The following OR4K5 variants were observed in gnomAD, a reference collection of about 807,000 sequenced individuals.
The protein encoded by OR4K5 is olfactory receptor 4K5.
For synonymous variants in OR4K5, 187 were observed against 142.2 expected, an observed-to-expected ratio of 1.31 and a Z score of -2.24; for missense variants, 520 against 377.1, an observed-to-expected ratio of 1.38 and a Z score of -3.14.
rs761466496 is a variant in OR4K5 at position 19,920,821 on chromosome 14, G to T, written c.215G>T (p.Cys72Phe). Residue 72 changes from cysteine to phenylalanine, a missense_variant, in exon 1 of 1, where the codon TGT becomes TTT. Coordinates refer to ENST00000315915, the MANE Select transcript of OR4K5 (RefSeq NM_001005483.1). ...LLGNLSFVDI[C>F]QASFATPKMI... The stretch of plus-strand genomic sequence containing the variant: ...GGAAACCTTTCCTTTGTTGACATTT[G>T]TCAGGCTTCTTTTGCTACCCCTAAA... 5 of 1,614,172 alleles carry T rather than the reference G, an allele frequency of 3.1e-6. No homozygotes were observed. Among genetic ancestry groups the T allele is most frequent in the Non-Finnish European group, 4.2e-6 (5 of 1,180,006 alleles).
rs1019475581 is a variant in OR4K5, at chr14:19,920,891, T to G, written c.285T>G (p.Ser95Arg). The change falls in exon 1 of 1, where the codon AGT (serine) becomes AGG (arginine). Residue 95 changes from serine (S) to arginine (R), a missense_variant. Transcript: ENST00000315915. ...GTGCACACGAGACCATATCTTTCAG[T>G]GGCTGCATAGCCCAAATTTTCTTTA... ...FLSAHETISFSGCIAQIFFIH... is the reference protein window; with the variant it reads ...FLSAHETISFRGCIAQIFFIH... The G allele has an allele frequency of 1.9e-6, 3 of 1,614,206 alleles. No individual in the cohort carries two copies. Among genetic ancestry groups the G allele is most frequent in the Non-Finnish European group, 2.5e-6 (3 of 1,180,002 alleles).
In OR4K5 at chr14:19,920,963, C is replaced by G; in HGVS notation, c.357C>G (p.Ala119=). 6.2e-7 allele frequency: 1 copy of G among 1,614,146 alleles called. No individual in the cohort carries two copies. The highest frequency in any genetic ancestry group is 8.5e-7 in the Non-Finnish European group (1 of 1,179,998). The part of the protein sequence containing the change: ...GGEMVLLVSM[A]YDRYVAICKP... ...AGATGGTGCTACTTGTTTCGATGGC[C>G]TATGACAGGTATGTAGCCATATGCA... The change falls in exon 1 of 1, where the codon GCC becomes GCG. Residue 119 remains alanine, a synonymous_variant. Transcript: ENST00000315915.
In OR4K5 at chr14:19,920,881, T is replaced by C. The variant is rs775888619; in HGVS notation, c.275T>C (p.Ile92Thr). 3 of 1,614,218 alleles carry C rather than the reference T, an allele frequency of 1.9e-6. No individual in the cohort carries two copies. The South Asian group carries it at 3.3e-5, about 18-fold the overall frequency. Residue 92 changes from isoleucine to threonine, a missense_variant, in exon 1 of 1, where the codon ATA becomes ACA. Physicochemically the swap from Ile to Thr is moderately conservative, Grantham distance 89 (BLOSUM62 -1). Coordinates refer to ENST00000315915, the MANE Select transcript of OR4K5 (RefSeq NM_001005483.1). ...IADFLSAHET[I>T]SFSGCIAQIF... Reference sequence around the variant, plus strand: ...GATTTTCTGAGTGCACACGAGACCATATCTTTCAGTGGCTGCATAGCCCAA... The same window carrying C: ...GATTTTCTGAGTGCACACGAGACCACATCTTTCAGTGGCTGCATAGCCCAA...
chr14:19,921,257 C>T lies in OR4K5; in HGVS notation c.651C>T (p.Ser217=), dbSNP rs754456244. 1 of 1,614,138 alleles carries T rather than the reference C, an allele frequency of 6.2e-7. No individual in the cohort carries two copies. The highest frequency in any genetic ancestry group is 1.3e-5 in the African/African-American group (1 of 75,044). Residue 217 remains serine, a synonymous_variant, in exon 1 of 1, where the codon TCC becomes TCT. Coordinates refer to ENST00000315915, the MANE Select transcript of OR4K5 (RefSeq NM_001005483.1). ...SLSTFSLLVS[S]YIIILVTVWL... The stretch of plus-strand genomic sequence containing the variant: ...GCACTTTCTCTCTCTTGGTCAGCTC[C>T]TACATCATTATTCTTGTTACAGTTT...
Position 19,921,215 on chromosome 14 carries a change from T to C in OR4K5, c.609T>C (p.Ser203=). 1 of 1,614,210 alleles carries C rather than the reference T, an allele frequency of 6.2e-7. No homozygotes were observed. Among genetic ancestry groups the C allele is most frequent in the Non-Finnish European group, 8.5e-7 (1 of 1,179,988 alleles). Residue 203 remains serine, a synonymous_variant, in exon 1 of 1, where the codon AGT becomes AGC. Transcript: ENST00000315915. ...TTGAAATACTAATTGTGGTCAATAG[T>C]GGAATTCTTTCCCTAAGCACTTTCT... ...YIIEILIVVN[S]GILSLSTFSL... is the part of the protein sequence containing the mutation.
rs574403714 is a variant in OR4K5 at position 19,920,938 on chromosome 14, A to C, written c.332A>C (p.Glu111Ala). Residue 111 changes from glutamate to alanine, a missense_variant, in exon 1 of 1, where the codon GAG becomes GCG. Physicochemically the swap from Glu to Ala is moderately radical, Grantham distance 107. Transcript: ENST00000315915. ...TTTATTCACCTTTTTACTGGAGGGGAGATGGTGCTACTTGTTTCGATGGCC... is the reference window on the plus strand; with the variant it reads ...TTTATTCACCTTTTTACTGGAGGGGCGATGGTGCTACTTGTTTCGATGGCC... The part of the protein sequence containing the change: ...IFFIHLFTGG[E>A]MVLLVSMAYD... The C allele has an allele frequency of 1.2e-6, 2 of 1,614,036 alleles. No homozygotes were observed. The highest frequency in any genetic ancestry group is 2.2e-5 in the South Asian group (2 of 91,078).
chr14:19,921,310 A>C lies in OR4K5; in HGVS notation c.704A>C (p.Lys235Thr). The change falls in exon 1 of 1, where the codon AAG becomes ACG. Residue 235 changes from lysine to threonine, a missense_variant. Transcript: ENST00000315915. ...VWLKSSAAMA[K>T]AFSTLASHIA... is the part of the protein sequence containing the mutation. ...CTCAAGTCTTCAGCTGCAATGGCAA[A>C]GGCATTTTCTACGCTGGCTTCCCAT... 1 of 1,614,184 alleles carries C rather than the reference A, an allele frequency of 6.2e-7. No individual in the cohort carries two copies. Among genetic ancestry groups the C allele is most frequent in the Non-Finnish European group, 8.5e-7 (1 of 1,180,012 alleles).
chr14:19,921,476 G>A lies in OR4K5; in HGVS notation c.870G>A (p.Arg290=), dbSNP rs1881942529. The change falls in exon 1 of 1, where the codon AGG becomes AGA. Residue 290 remains arginine, a synonymous_variant. Coordinates refer to ENST00000315915, the MANE Select transcript of OR4K5 (RefSeq NM_001005483.1). ...TAAACCCCATTATTTATACACTAAG[G>A]AATAGGGATATGAAGGCTGCCGTAA... ...PVLNPIIYTL[R]NRDMKAAVRK... 6.2e-7 allele frequency: 1 copy of A among 1,614,032 alleles called. No individual in the cohort carries two copies. The highest frequency in any genetic ancestry group is 8.5e-7 in the Non-Finnish European group (1 of 1,179,932).
At position 19,920,780 on chromosome 14, in the gene OR4K5, T is replaced by C; in HGVS notation, c.174T>C (p.Pro58=). ...TVTSDTSLHS[P]MYFLLGNLSF... ...CTTCTGATACCAGCCTGCACTCCCC[T>C]ATGTACTTTCTCTTGGGAAACCTTT... The change falls in exon 1 of 1, where the codon CCT becomes CCC. Residue 58 remains proline (P), a synonymous_variant. Transcript: ENST00000315915. The C allele has an allele frequency of 6.2e-7, 1 of 1,614,206 alleles. No homozygotes were observed.
Position 19,921,149 on chromosome 14 carries a change from T to C in OR4K5, c.543T>C (p.Leu181=). The C allele has an allele frequency of 2.5e-6, 4 of 1,614,198 alleles. No homozygotes were observed. The highest frequency in any genetic ancestry group is 3.4e-6 in the Non-Finnish European group (4 of 1,180,000). ...PNVVDSFFCD[L]PRVTKLACLD... is the part of the protein sequence containing the mutation. ...TAGTAGACAGCTTTTTTTGTGATCT[T>C]CCTCGAGTCACCAAACTTGCCTGCC... The change falls in exon 1 of 1, where the codon CTT becomes CTC. Residue 181 remains leucine (L), a synonymous_variant. Coordinates refer to ENST00000315915, the MANE Select transcript of OR4K5 (RefSeq NM_001005483.1).
At position 19,921,200 on chromosome 14, in the gene OR4K5, A is replaced by G. The variant is rs1455258785; in HGVS notation, c.594A>G (p.Leu198=). 2 of 1,613,992 alleles carry G rather than the reference A, an allele frequency of 1.2e-6. No individual in the cohort carries two copies. Reference sequence around the variant, plus strand: ...TGGACTCTTACATCATTGAAATACTAATTGTGGTCAATAGTGGAATTCTTT... The same window carrying G: ...TGGACTCTTACATCATTGAAATACTGATTGTGGTCAATAGTGGAATTCTTT... The part of the protein sequence containing the change: ...ACLDSYIIEI[L]IVVNSGILSL... The change falls in exon 1 of 1, where the codon CTA becomes CTG. Residue 198 remains leucine (L), a synonymous_variant. Coordinates refer to ENST00000315915, the MANE Select transcript of OR4K5 (RefSeq NM_001005483.1).
chr14:19,921,177 G>C lies in OR4K5; in HGVS notation c.571G>C (p.Asp191His). The C allele has an allele frequency of 6.2e-7, 1 of 1,614,134 alleles. No homozygotes were observed. The highest frequency in any genetic ancestry group is 8.5e-7 in the Non-Finnish European group (1 of 1,179,992). The change falls in exon 1 of 1, where the codon GAC becomes CAC. Residue 191 changes from aspartate to histidine, a missense_variant. Transcript: ENST00000315915. ...TCGAGTCACCAAACTTGCCTGCCTG[G>C]ACTCTTACATCATTGAAATACTAAT... The part of the protein sequence containing the change: ...LPRVTKLACL[D>H]SYIIEILIVV...
At position 19,920,991 on chromosome 14, in the gene OR4K5, C is replaced by A. The variant is rs1486900444; in HGVS notation, c.385C>A (p.Pro129Thr). 1.1e-5 allele frequency: 17 copies of A among 1,614,036 alleles called. No homozygotes were observed. The highest frequency in any genetic ancestry group is 1.4e-5 in the Non-Finnish European group (17 of 1,179,998). The stretch of plus-strand genomic sequence containing the variant: ...TGACAGGTATGTAGCCATATGCAAA[C>A]CCTTATACTATGTGGTCATCATGAG... ...AYDRYVAICKPLYYVVIMSRR... is the reference protein window; with the variant it reads ...AYDRYVAICKTLYYVVIMSRR... Residue 129 changes from proline to threonine, a missense_variant, in exon 1 of 1, where the codon CCC becomes ACC. Pro to Thr is a conservative substitution (Grantham distance 38). Transcript: ENST00000315915.
Position 19,920,843 on chromosome 14 carries a change from T to TA in OR4K5, c.241dup (p.Met81AsnfsTer41). The TA allele has an allele frequency of 1.9e-6, 3 of 1,614,214 alleles. No individual in the cohort carries two copies. The highest frequency in any genetic ancestry group is 2.5e-6 in the Non-Finnish European group (3 of 1,180,006). Reference sequence around the variant, plus strand: ...TTTGTCAGGCTTCTTTTGCTACCCCTAAAATGATTGCAGATTTTCTGAGTG... The same window carrying TA: ...TTTGTCAGGCTTCTTTTGCTACCCCTAAAAATGATTGCAGATTTTCTGAGTG... On this transcript the variant is annotated frameshift_variant, in exon 1 of 1. Coordinates refer to ENST00000315915, the MANE Select transcript of OR4K5 (RefSeq NM_001005483.1). LOFTEE classifies it low-confidence loss of function (END_TRUNC).
Position 19,920,722 on chromosome 14 carries a change from T to G in OR4K5, c.116T>G (p.Val39Gly). The change falls in exon 1 of 1, where the codon GTG becomes GGG. Residue 39 changes from valine (V) to glycine (G), a missense_variant. By Grantham distance (109) the Val-to-Gly change is moderately radical (BLOSUM62 -3). Transcript: ENST00000315915. ...TTCTCTGTGTTGTATACAGTCATTGTGCTGGGAAATCTTCTCATTATCCTC... is the reference window on the plus strand; with the variant it reads ...TTCTCTGTGTTGTATACAGTCATTGGGCTGGGAAATCTTCTCATTATCCTC... ...CFFSVLYTVI[V>G]LGNLLIILTV... 1.2e-6 allele frequency: 2 copies of G among 1,614,174 alleles called. No individual in the cohort carries two copies. The highest frequency in any genetic ancestry group is 1.3e-5 in the African/African-American group (1 of 75,072).
rs901022986 is a variant in OR4K5 at position 19,921,149 on chromosome 14, T to A, written c.543T>A (p.Leu181=). 6.2e-6 allele frequency: 10 copies of A among 1,614,062 alleles called. No homozygotes were observed. The highest frequency in any genetic ancestry group is 8.5e-6 in the Non-Finnish European group (10 of 1,179,990). ...TAGTAGACAGCTTTTTTTGTGATCTTCCTCGAGTCACCAAACTTGCCTGCC... is the reference window on the plus strand; with the variant it reads ...TAGTAGACAGCTTTTTTTGTGATCTACCTCGAGTCACCAAACTTGCCTGCC... ...PNVVDSFFCD[L]PRVTKLACLD... Residue 181 remains leucine, a synonymous_variant, in exon 1 of 1, where the codon CTT becomes CTA. Coordinates refer to ENST00000315915, the MANE Select transcript of OR4K5 (RefSeq NM_001005483.1).
rs750678035 is a variant in OR4K5, at chr14:19,921,065, G to A, written c.459G>A (p.Leu153=). The change falls in exon 1 of 1, where the codon TTG becomes TTA. Residue 153 remains leucine (L), a synonymous_variant. Coordinates refer to ENST00000315915, the MANE Select transcript of OR4K5 (RefSeq NM_001005483.1). ...TAATGATCTCCTGGGCTGTGAGCTT[G>A]GTGCACACATTAAGCCAGTTATCAT... ...VLVMISWAVS[L]VHTLSQLSFT... is the part of the protein sequence containing the mutation. 1.9e-6 allele frequency: 3 copies of A among 1,614,034 alleles called. No homozygotes were observed.
At position 19,921,349 on chromosome 14, in the gene OR4K5, T is replaced by C; in HGVS notation, c.743T>C (p.Ile248Thr). ...CTGGCTTCCCATATTGCAGTAGTAATATTATTCTTTGGACCTTGCATCTTC... is the reference window on the plus strand; with the variant it reads ...CTGGCTTCCCATATTGCAGTAGTAACATTATTCTTTGGACCTTGCATCTTC... Reference protein sequence around the residue: ...STLASHIAVVILFFGPCIFIY... With the variant: ...STLASHIAVVTLFFGPCIFIY... Residue 248 changes from isoleucine (I) to threonine (T), a missense_variant, in exon 1 of 1, where the codon ATA (isoleucine) becomes ACA (threonine). Ile to Thr is a moderately conservative substitution (Grantham distance 89). Coordinates refer to ENST00000315915, the MANE Select transcript of OR4K5 (RefSeq NM_001005483.1). The C allele has an allele frequency of 3.1e-6, 5 of 1,614,184 alleles. No individual in the cohort carries two copies. The highest frequency in any genetic ancestry group is 4.2e-6 in the Non-Finnish European group (5 of 1,179,992).
Position 19,921,039 on chromosome 14 carries a change from G to T in OR4K5, c.433G>T (p.Val145Leu). 2 of 1,614,206 alleles carry T rather than the reference G, an allele frequency of 1.2e-6. No individual in the cohort carries two copies. Among genetic ancestry groups the T allele is most frequent in the Non-Finnish European group, 1.7e-6 (2 of 1,180,012 alleles). Residue 145 changes from valine (V) to leucine (L), a missense_variant, in exon 1 of 1, where the codon GTA (valine) becomes TTA (leucine). By Grantham distance (32) the Val-to-Leu change is conservative. Coordinates refer to ENST00000315915, the MANE Select transcript of OR4K5 (RefSeq NM_001005483.1). ...GAGCCGAAGGACATGCACTGTCTTG[G>T]TAATGATCTCCTGGGCTGTGAGCTT... is the stretch of plus-strand genomic sequence containing the variant. ...IMSRRTCTVLVMISWAVSLVH... is the reference protein window; with the variant it reads ...IMSRRTCTVLLMISWAVSLVH...
Sources: gnomAD v4.1 joint callset for allele counts on GRCh38, gnomAD v4.1.1 for gene constraint, MANE v1.5 for transcripts, NCBI Gene and HGNC (gene_info 2026-07-23, HGNC 2026-07-21) for gene names.